Variants in ADAMTS17 observed in about 807,000 individuals in gnomAD.
The protein encoded by ADAMTS17 is A disintegrin and metalloproteinase with thrombospondin motifs 17.
A neutral mutation model predicts 141.5 loss-of-function variants in ADAMTS17; 113 were observed. That is an observed-to-expected ratio of 0.80 (90% CI 0.69 to 0.93). The LOEUF (loss-of-function observed/expected upper bound fraction) is 0.93, where lower values mean the gene tolerates loss of function less well. Ranked by LOEUF, ADAMTS17 falls within the 40% of genes least tolerant of loss-of-function variation. The pLI, the probability that ADAMTS17 is intolerant of heterozygous loss-of-function variation, is 0.00. For missense variants in ADAMTS17, 1,659 were observed against 1,517.9 expected, an observed-to-expected ratio of 1.09 and a Z score of -1.54; for synonymous variants, 768 against 630.6, an observed-to-expected ratio of 1.22 and a Z score of -3.27.
intron 18 of ADAMTS17, among the ~76,000 whole-genome samples, chr15:100,033,607 T>C (rs547060731): frequency 6.6e-6 from 1 of 152,310 alleles, no homozygotes; most frequent in Non-Finnish European, 1.5e-5. Flanking sequence ...CTCGGTTTTC[T>C]TTACCATGCT....
At chr15:100,314,627 T>C (rs979577629) in intron 3 of ADAMTS17, among the ~76,000 whole-genome samples, 1 of 152,192 alleles carries the variant, frequency 6.6e-6, no homozygotes, top group African/African-American at 2.4e-5. Context: ...GGGAGAATAT[T>C]GTACAAGTAA....
rs150445841 is a variant in ADAMTS17 at position 100,213,975 on chromosome 15, A to C, written c.1076-14552T>G. Among the ~76,000 whole-genome samples the C allele has an allele frequency of 6.4e-3, 976 of 152,382 alleles. 8 individuals carry two copies. The highest frequency in any genetic ancestry group is 0.027 in the South Asian group (131 of 4,830). ...CTCCTTTCTGATGAATTTACAAAAG[A>C]AAGCAAGCTGCTGAGAAGGCCCTGA... On this transcript the variant is annotated intron_variant, in intron 7 of 21. Transcript: ENST00000268070.
intron 17 of ADAMTS17, among the ~76,000 whole-genome samples, chr15:100,049,672 T>A (rs573835715): frequency 6.6e-6 from 1 of 152,236 alleles, no homozygotes; most frequent in Non-Finnish European, 1.5e-5. Context: ...TGCACGGCCA[T>A]GCCTTTGTCA....
intron 18 of ADAMTS17, among the ~76,000 whole-genome samples, chr15:100,010,452 G>T (rs1353471512): frequency 6.6e-6 from 1 of 152,190 alleles, no homozygotes; most frequent in Admixed American, 6.5e-5. Context: ...GTTCTGCTTT[G>T]CTGTGGGAGG....
chr15:100,008,697 A>C (rs1301492718), intron 18 of ADAMTS17, among the ~76,000 whole-genome samples: 4 of 152,222 alleles, frequency 2.6e-5, no homozygotes, highest in African/African-American at 9.6e-5. Context: ...TGATCTGGAA[A>C]GCGAGATGGA....
At chr15:100,176,063 C>T (rs2040328197) in intron 8 of ADAMTS17, among the ~76,000 whole-genome samples, 1 of 152,202 alleles carries the variant, frequency 6.6e-6, no homozygotes, top group African/African-American at 2.4e-5. Context: ...CGCAAACTCC[C>T]TCATGAGGTG....
Position 100,262,411 on chromosome 15 carries a change from T to A in ADAMTS17, c.814A>T (p.Ser272Cys). The A allele has an allele frequency of 6.2e-7, 1 of 1,613,818 alleles. No individual in the cohort carries two copies. ...TGAATGTTAATTTTAATCCCCAGGCTCTGGTGCTGAAACATATTGTATACC... is the reference window on the plus strand; with the variant it reads ...TGAATGTTAATTTTAATCCCCAGGCACTGGTGCTGAAACATATTGTATACC... ...NMVYNMFQHQ[S>C]LGIKINIQVT... Residue 272 changes from serine (S) to cysteine (C), a missense_variant, in exon 5 of 22, where the codon AGC becomes TGC. Coordinates refer to ENST00000268070, the MANE Select transcript of ADAMTS17 (RefSeq NM_139057.4).
chr15:100,288,263 A>C lies in ADAMTS17; in HGVS notation c.617-6862T>G, dbSNP rs531115800. Among the ~76,000 whole-genome samples the C allele has an allele frequency of 2.0e-5, 3 of 152,360 alleles. No homozygotes were observed. In the East Asian group the frequency reaches 5.8e-4, roughly 29 times the overall value. On this transcript the variant is annotated intron_variant, in intron 3 of 21. Transcript: ENST00000268070. ...GCTTTAAGCCAACAATAATTTTTTAAAAAGACAAAGAAGGGCATTACATAA... is the reference window on the plus strand; with the variant it reads ...GCTTTAAGCCAACAATAATTTTTTACAAAGACAAAGAAGGGCATTACATAA...
intron 18 of ADAMTS17, among the ~76,000 whole-genome samples, chr15:100,005,980 T>C (rs1199001820): frequency 6.6e-6 from 1 of 151,294 alleles, no homozygotes; most frequent in East Asian, 2.0e-4. Context: ...AGCCCCAGCC[T>C]GCATCTTCCC....
chr15:100,120,904 C>G (rs1041353733), intron 12 of ADAMTS17, among the ~76,000 whole-genome samples: 1 of 152,200 alleles, frequency 6.6e-6, no homozygotes, highest in African/African-American at 2.4e-5. Flanking sequence ...CAGATGTTGG[C>G]CTTGCTAGAC....
At chr15:99,982,900 T>C (rs61085995) in intron 20 of ADAMTS17, among the ~76,000 whole-genome samples, 1,661 of 152,206 alleles carry the variant, frequency 0.011, 30 homozygotes, top group African/African-American at 0.038. Flanking sequence ...CCACCACCCT[T>C]CCCAGGCAGG....
intron 7 of ADAMTS17, among the ~76,000 whole-genome samples, chr15:100,203,852 T>A (rs1314056918): frequency 6.6e-6 from 1 of 151,404 alleles, no homozygotes; most frequent in Non-Finnish European, 1.5e-5. Flanking sequence ...TGAGCTGAGA[T>A]CCATCACTGC....
At chr15:100,177,903 T>A (rs1182528796) in intron 8 of ADAMTS17, among the ~76,000 whole-genome samples, 1 of 152,220 alleles carries the variant, frequency 6.6e-6, no homozygotes, top group Non-Finnish European at 1.5e-5. Context: ...TTTATCATTA[T>A]ACAATGTCCC....
At chr15:100,024,632 C>T (rs1455023953) in intron 18 of ADAMTS17, among the ~76,000 whole-genome samples, 1 of 152,174 alleles carries the variant, frequency 6.6e-6, no homozygotes, top group Admixed American at 6.5e-5. Context: ...GTTGGGTATG[C>T]TTGTTCTCTA....
At chr15:100,019,509 T>C (rs1376988218) in intron 18 of ADAMTS17, among the ~76,000 whole-genome samples, 1 of 152,234 alleles carries the variant, frequency 6.6e-6, no homozygotes, top group African/African-American at 2.4e-5. Flanking sequence ...CAGGCTGGTA[T>C]GTACTAACTG....
intron 8 of ADAMTS17, among the ~76,000 whole-genome samples, chr15:100,181,301 C>T (rs187825377): frequency 8.5e-5 from 13 of 152,322 alleles, no homozygotes; most frequent in Non-Finnish European, 1.3e-4. Context: ...TGGTGCTCCA[C>T]CCCACTGTGG....
chr15:100,299,621 A>T (rs1208108108), intron 3 of ADAMTS17, among the ~76,000 whole-genome samples: 2 of 152,204 alleles, frequency 1.3e-5, no homozygotes, highest in African/African-American at 4.8e-5. Flanking sequence ...AAGCCTGAAA[A>T]GAAATCGACG....
intron 15 of ADAMTS17, among the ~76,000 whole-genome samples, chr15:100,062,779 A>T (rs1411547691): frequency 1.3e-5 from 2 of 152,222 alleles, no homozygotes; most frequent in Non-Finnish European, 2.9e-5. Context: ...TGATGACATG[A>T]AAACAGCTCA....
chr15:100,153,088 A>T (rs1397792810), intron 9 of ADAMTS17, among the ~76,000 whole-genome samples: 4 of 152,138 alleles, frequency 2.6e-5, no homozygotes. Flanking sequence ...TTTGGAAGAG[A>T]TTATCGTATT....
Sources: gnomAD v4.1 joint callset for allele counts (sites outside exome capture counted in the v4.1 genomes callset) on GRCh38, gnomAD v4.1.1 for gene constraint, MANE v1.5 for transcripts, NCBI Gene and HGNC (gene_info 2026-07-23, HGNC 2026-07-21) for gene names.